The following CFAP299 variants were observed in gnomAD, a reference collection of about 807,000 sequenced individuals.
CFAP299 encodes cilia and flagella associated protein 299.
A neutral mutation model predicts 27.0 loss-of-function variants in CFAP299; 21 were observed. The observed-to-expected ratio is 0.78, with a 90% confidence interval of 0.55 to 1.12. The LOEUF (loss-of-function observed/expected upper bound fraction) is 1.12. Ranked by LOEUF, CFAP299 falls within the 50% of genes most tolerant of loss-of-function variation. The pLI is 0.00. For synonymous variants in CFAP299, 104 were observed against 98.1 expected (o/e 1.06, Z -0.36); for missense variants, 310 against 276.6 (o/e 1.12, Z -0.86).
At chr4:80,583,298 TC>T in intron 3 of CFAP299, 115 bp downstream of exon 3, 1 of 511,974 alleles carries the variant, frequency 2.0e-6, no homozygotes, top group South Asian at 4.6e-5. Flanking sequence ...AAAATATGAT[TC>T]CTCTTTATTA....
chr4:80,513,222 G>A (rs552164640), intron 2 of CFAP299, among the ~76,000 whole-genome samples: 15 of 152,102 alleles, frequency 9.9e-5, no homozygotes, highest in African/African-American at 3.6e-4. Context: ...CTTAATATAG[G>A]GAATTTCCAT....
At chr4:80,950,987 C>A (rs867099165) in intron 5 of CFAP299, among the ~76,000 whole-genome samples, 1 of 152,154 alleles carries the variant, frequency 6.6e-6, no homozygotes, top group Middle Eastern at 3.4e-3. Flanking sequence ...GACTTAGAAT[C>A]AAAATTTCTA....
chr4:80,928,885 T>A (rs1369457801), intron 4 of CFAP299, among the ~76,000 whole-genome samples: 1 of 152,124 alleles, frequency 6.6e-6, no homozygotes, highest in African/African-American at 2.4e-5. Context: ...TTCCGTTCTG[T>A]CCTCATAGTA....
At chr4:80,821,924 G>A (rs1054365805) in intron 3 of CFAP299, among the ~76,000 whole-genome samples, 4 of 151,662 alleles carry the variant, frequency 2.6e-5, no homozygotes, top group South Asian at 2.1e-4. Flanking sequence ...TCACAGACAC[G>A]CCTGAAAGAA....
intron 4 of CFAP299, among the ~76,000 whole-genome samples, chr4:80,934,760 C>A (rs1434825936): frequency 1.3e-5 from 2 of 151,854 alleles, no homozygotes; most frequent in Non-Finnish European, 2.9e-5. Context: ...TTCTAACTTT[C>A]TTTGGGCATT....
At chr4:80,741,110 G>A (rs542295743) in intron 3 of CFAP299, among the ~76,000 whole-genome samples, 1 of 152,242 alleles carries the variant, frequency 6.6e-6, no homozygotes, top group East Asian at 1.9e-4. Flanking sequence ...TCAAACAGAA[G>A]GAGTCTCTCA....
intron 3 of CFAP299, among the ~76,000 whole-genome samples, chr4:80,799,488 A>C (rs1354050399): frequency 1.2e-5 from 1 of 82,082 alleles, no homozygotes; most frequent in African/African-American, 5.0e-5. Context: ...TTTATTAAAT[A>C]TATATAATAT....
intron 2 of CFAP299, among the ~76,000 whole-genome samples, chr4:80,547,590 C>G (rs1175981575): frequency 6.6e-6 from 1 of 151,996 alleles, no homozygotes; most frequent in East Asian, 1.9e-4. Flanking sequence ...AAAAAGACAG[C>G]CTACGGAATG....
At chr4:80,500,260 G>T (rs1731676833) in intron 2 of CFAP299, among the ~76,000 whole-genome samples, 1 of 152,108 alleles carries the variant, frequency 6.6e-6, no homozygotes, top group South Asian at 2.1e-4. Flanking sequence ...TACCATCAGA[G>T]AAAGGCATTC....
intron 3 of CFAP299, among the ~76,000 whole-genome samples, chr4:80,768,511 G>A (rs1369630518): frequency 6.6e-6 from 1 of 152,154 alleles, no homozygotes; most frequent in Non-Finnish European, 1.5e-5. Flanking sequence ...ACACAGTAGA[G>A]TCAAACTGGC....
At chr4:80,595,485 C>G (rs566682291) in intron 3 of CFAP299, among the ~76,000 whole-genome samples, 48 of 152,312 alleles carry the variant, frequency 3.2e-4, no homozygotes, top group African/African-American at 1.1e-3. Context: ...ATGTTCAACA[C>G]TGGCTTGTCC....
chr4:80,447,403 G>A (rs1728693684), intron 2 of CFAP299, among the ~76,000 whole-genome samples: 1 of 147,782 alleles, frequency 6.8e-6, no homozygotes, highest in South Asian at 2.2e-4. Context: ...CCAAAGTGCT[G>A]GGATTACAGG....
chr4:80,412,070 G>A (rs1254855178), intron 2 of CFAP299, among the ~76,000 whole-genome samples: 2 of 152,150 alleles, frequency 1.3e-5, no homozygotes, highest in African/African-American at 2.4e-5. Flanking sequence ...GAGAGGTTAA[G>A]TACCTTACAT....
chr4:80,681,073 A>G (rs568910333), intron 3 of CFAP299, among the ~76,000 whole-genome samples: 17 of 152,132 alleles, frequency 1.1e-4, no homozygotes, highest in Non-Finnish European at 2.5e-4. Context: ...TTTGAAGAAC[A>G]TTGTTCTCAG....
chr4:80,364,174 G>A (rs1032614037), intron 2 of CFAP299, among the ~76,000 whole-genome samples: 1 of 150,142 alleles, frequency 6.7e-6, no homozygotes, highest in African/African-American at 2.5e-5. Context: ...CCTCTGTATA[G>A]TATATCACAA....
At chr4:80,473,361 G>A (rs1730105578) in intron 2 of CFAP299, among the ~76,000 whole-genome samples, 1 of 151,798 alleles carries the variant, frequency 6.6e-6, no homozygotes, top group South Asian at 2.1e-4. Flanking sequence ...AAGTTCAAGG[G>A]CCAGTATCAT....
intron 2 of CFAP299, among the ~76,000 whole-genome samples, chr4:80,445,707 T>C (rs1230632636): frequency 2.0e-5 from 3 of 152,146 alleles, no homozygotes; most frequent in Non-Finnish European, 2.9e-5. Context: ...TCATTAAGCA[T>C]AGTTTGCTTA....
intron 3 of CFAP299, among the ~76,000 whole-genome samples, chr4:80,737,146 C>T (rs1264853816): frequency 5.2e-5 from 7 of 134,972 alleles, no homozygotes; most frequent in Non-Finnish European, 1.1e-4. Flanking sequence ...GGGAACATCA[C>T]ACTCTGGGGA....
chr4:80,586,243 A>G (rs905782607), intron 3 of CFAP299, among the ~76,000 whole-genome samples: 7 of 152,058 alleles, frequency 4.6e-5, no homozygotes, highest in Non-Finnish European at 8.8e-5. Flanking sequence ...ATACATGACA[A>G]CTATTTAATA....
Sources: gnomAD v4.1 joint callset for allele counts (sites outside exome capture counted in the v4.1 genomes callset) on GRCh38, gnomAD v4.1.1 for gene constraint, MANE v1.5 for transcripts, NCBI Gene and HGNC (gene_info 2026-07-23, HGNC 2026-07-21) for gene names.